The following ARHGAP17 variants were observed in gnomAD, a reference collection of about 807,000 sequenced individuals.
The protein encoded by ARHGAP17 is rho GTPase-activating protein 17.
A neutral mutation model predicts 99.5 loss-of-function variants in ARHGAP17; 57 were observed. The ratio of observed to expected loss-of-function variants is 0.57; its 90% CI spans 0.46 to 0.71. ARHGAP17 has a LOEUF of 0.71. Among genes scored for constraint, ARHGAP17 ranks in the 30% least tolerant of loss-of-function variants. The probability of loss-of-function intolerance (pLI) is 0.00; values close to 1 mark genes in which losing one functional copy is unlikely to be tolerated. For missense variants in ARHGAP17, 1,000 were observed against 1,122.4 expected (o/e 0.89, Z 1.56); for synonymous variants, 417 against 429.6 (o/e 0.97, Z 0.36).
At chr16:24,978,477 A>T (rs959242795) in intron 2 of ARHGAP17, among the ~76,000 whole-genome samples, 1 of 152,232 alleles carries the variant, frequency 6.6e-6, no homozygotes, top group Non-Finnish European at 1.5e-5. Context: ...AGAGACTGAA[A>T]AAAAGGCAGA....
At position 24,999,948 on chromosome 16, in the gene ARHGAP17, C is replaced by T. The variant is rs180911522; in HGVS notation, c.53+15261G>A. Among the ~76,000 whole-genome samples the T allele has an allele frequency of 1.8e-3, 275 of 152,276 alleles. 6 individuals are homozygous for T. Among genetic ancestry groups the T allele is most frequent in the Admixed American group, 0.018 (273 of 15,286 alleles). On this transcript the variant is annotated intron_variant, in intron 1 of 19. Coordinates refer to ENST00000289968, the MANE Select transcript of ARHGAP17 (RefSeq NM_001006634.3). ...ACTGTATGTCCTCACTGTCTCATGA[C>T]GCCTCCCTAGCACACACCACCTTCT...
intron 13 of ARHGAP17, 91 bp downstream of exon 13, chr16:24,949,313 A>C (rs903404161): frequency 1.2e-5 from 12 of 977,578 alleles, no homozygotes; most frequent in African/African-American, 3.3e-5. Context: ...GTTGTTTTTT[A>C]ATGTGCCAAG....
chr16:24,991,738 C>T (rs2053049429), intron 1 of ARHGAP17, among the ~76,000 whole-genome samples: 1 of 152,200 alleles, frequency 6.6e-6, no homozygotes, highest in South Asian at 2.1e-4. Flanking sequence ...AGCATGCATT[C>T]ACAGAGAAGC....
chr16:24,976,800 C>G (rs2052531530), intron 3 of ARHGAP17, among the ~76,000 whole-genome samples: 1 of 152,172 alleles, frequency 6.6e-6, no homozygotes, highest in South Asian at 2.1e-4. Flanking sequence ...CTGGGTTTTT[C>G]ATTACATTAC....
chr16:24,999,855 T>C (rs1164378508), intron 1 of ARHGAP17, among the ~76,000 whole-genome samples: 1 of 152,222 alleles, frequency 6.6e-6, no homozygotes, highest in East Asian at 1.9e-4. Flanking sequence ...TTGGAATGTA[T>C]TTTGGCATAG....
chr16:24,985,272 G>C (rs1479520845), intron 1 of ARHGAP17, among the ~76,000 whole-genome samples: 2 of 152,156 alleles, frequency 1.3e-5, no homozygotes. Flanking sequence ...TATTGCTGCT[G>C]TAACAAATCA....
intron 1 of ARHGAP17, among the ~76,000 whole-genome samples, chr16:25,003,315 A>G (rs1326238325): frequency 7.0e-6 from 1 of 143,806 alleles, no homozygotes; most frequent in Non-Finnish European, 1.5e-5. Context: ...GCTCATTGCA[A>G]CCTCTGCTTC....
In ARHGAP17 at chr16:24,919,905, T is replaced by C. The variant is rs2152434624; in HGVS notation, c.*225A>G. 1 of 488,086 alleles carries C rather than the reference T, an allele frequency of 2.0e-6. No individual in the cohort carries two copies. The highest frequency in any genetic ancestry group is 3.3e-6 in the Non-Finnish European group (1 of 298,914). 30.2% of individuals were successfully genotyped at this position (488,086 alleles called of 1,614,324 possible). A position where few individuals can be genotyped will look rare whatever the true frequency, so the allele number is the denominator to read the frequency against. Reference sequence around the variant, plus strand: ...TTGGATTTTTTTGGCATGATTTCCTTCCCATGTAAAGAAAGCCAACTTCTT... The same window carrying C: ...TTGGATTTTTTTGGCATGATTTCCTCCCCATGTAAAGAAAGCCAACTTCTT... On this transcript the variant is annotated 3_prime_UTR_variant, in exon 20 of 20. Coordinates refer to ENST00000289968, the MANE Select transcript of ARHGAP17 (RefSeq NM_001006634.3).
In ARHGAP17 at chr16:24,968,660, C is replaced by A; in HGVS notation, c.384+1G>T. On this transcript the variant is annotated splice_donor_variant, in intron 5 of 19. Coordinates refer to ENST00000289968, the MANE Select transcript of ARHGAP17 (RefSeq NM_001006634.3). LOFTEE classifies it high-confidence loss of function. ...TCCGTGCTGCACGGTGAAGCACCCA[C>A]CTCAGCTATGCCGTACAGAGGGTCC... The A allele has an allele frequency of 1.9e-6, 3 of 1,614,216 alleles. No homozygotes were observed. Among genetic ancestry groups the A allele is most frequent in the Non-Finnish European group, 2.5e-6 (3 of 1,180,022 alleles).
At chr16:24,950,836 C>CAAAAAAA (rs1177614713) in intron 12 of ARHGAP17, among the ~76,000 whole-genome samples, 693 of 36,392 alleles carry the variant, frequency 0.019, 22 homozygotes, top group African/African-American at 0.026. Flanking sequence ...GACTCCAACT[C>CAAAAAAA]AAAAAAAAAA....
intron 13 of ARHGAP17, among the ~76,000 whole-genome samples, chr16:24,948,762 AC>A (rs1344466568): frequency 6.6e-6 from 1 of 151,392 alleles, no homozygotes; most frequent in Non-Finnish European, 1.5e-5. Context: ...GTCACTCAAA[AC>A]CAAACAAGGA....
intron 3 of ARHGAP17, 73 bp from the exon 4 acceptor site, chr16:24,970,653 C>G (rs1597430412): frequency 7.1e-7 from 1 of 1,402,806 alleles, no homozygotes; most frequent in Non-Finnish European, 1.0e-6. Flanking sequence ...TTCAGATCAT[C>G]ATTCATTAAT....
intron 3 of ARHGAP17, 96 bp downstream of exon 3, chr16:24,977,119 T>TCA: frequency 2.2e-6 from 2 of 923,980 alleles, no homozygotes; most frequent in Non-Finnish European, 3.0e-6. Context: ...CAAAGGCTGA[T>TCA]CCACTGATGC....
chr16:24,958,649 T>G (rs892244912), intron 9 of ARHGAP17, among the ~76,000 whole-genome samples: 1 of 152,170 alleles, frequency 6.6e-6, no homozygotes, highest in Non-Finnish European at 1.5e-5. Flanking sequence ...ATCCCAAAAT[T>G]TTCAGGCACA....
intron 16 of ARHGAP17, 70 bp from the exon 17 acceptor site, chr16:24,939,667 C>T: frequency 6.7e-7 from 1 of 1,489,632 alleles, no homozygotes. Flanking sequence ...CATCGGTCCA[C>T]ATGTGTTAAA....
intron 1 of ARHGAP17, among the ~76,000 whole-genome samples, chr16:25,003,571 C>T (rs1011787852): frequency 1.3e-5 from 2 of 152,126 alleles, no homozygotes; most frequent in Non-Finnish European, 2.9e-5. Context: ...CACCTGTAAT[C>T]CCAGCACTTT....
At chr16:24,964,520 T>C (rs2052113876) in intron 6 of ARHGAP17, among the ~76,000 whole-genome samples, 1 of 152,210 alleles carries the variant, frequency 6.6e-6, no homozygotes, top group African/African-American at 2.4e-5. Context: ...AGGACTCTCA[T>C]AGTGCTAGGA....
At chr16:24,970,452 A>C (rs2052328261) in intron 4 of ARHGAP17, 55 bp downstream of exon 4, 25 of 1,543,720 alleles carry the variant, frequency 1.6e-5, no homozygotes, top group Non-Finnish European at 2.1e-5. Context: ...CACCTGGCCC[A>C]GCCACTTCCA....
At chr16:24,921,302 G>A (rs991636646) in intron 19 of ARHGAP17, among the ~76,000 whole-genome samples, 2 of 152,218 alleles carry the variant, frequency 1.3e-5, no homozygotes, top group African/African-American at 4.8e-5. Context: ...GTATTTTAGG[G>A]CTGGTGTAAG....
Sources: gnomAD v4.1 joint callset for allele counts (sites outside exome capture counted in the v4.1 genomes callset) on GRCh38, gnomAD v4.1.1 for gene constraint, MANE v1.5 for transcripts, NCBI Gene and HGNC (gene_info 2026-07-23, HGNC 2026-07-21) for gene names.